The following ZNF536 variants were observed in gnomAD, a reference collection of about 807,000 sequenced individuals.
The protein encoded by ZNF536 is zinc finger protein 536.
A neutral mutation model predicts 84.5 loss-of-function variants in ZNF536; 13 were observed. That is an observed-to-expected ratio of 0.15 (90% CI 0.10 to 0.24). The LOEUF is 0.24. ZNF536 is among the 10% of genes least tolerant of loss of function. The pLI, the probability that ZNF536 is intolerant of heterozygous loss-of-function variation, is 1.00. For synonymous variants in ZNF536, 811 were observed against 742.5 expected, an observed-to-expected ratio of 1.09 and a Z score of -1.50; for missense variants, 1,536 against 1,747.5, an observed-to-expected ratio of 0.88 and a Z score of 2.16.
intron 1 of ZNF536, among the ~76,000 whole-genome samples, chr19:30,274,208 C>G (rs1338563360): frequency 1.3e-5 from 2 of 152,202 alleles, no homozygotes; most frequent in Non-Finnish European, 2.9e-5. Context: ...AATATGTGTT[C>G]TCTAAAAACC....
At chr19:30,519,413 G>A (rs1193182504) in intron 2 of ZNF536, among the ~76,000 whole-genome samples, 1 of 152,192 alleles carries the variant, frequency 6.6e-6, no homozygotes, top group Non-Finnish European at 1.5e-5. Flanking sequence ...GCCCTCCACG[G>A]GGTTGTGCTC....
intron 2 of ZNF536, among the ~76,000 whole-genome samples, chr19:30,338,447 AATG>A (rs2047456151): frequency 6.6e-6 from 1 of 151,212 alleles, no homozygotes; most frequent in African/African-American, 2.4e-5. Context: ...TGGCGATGAC[AATG>A]ATGATATGGT....
At chr19:30,523,237 G>A (rs1158407612) in intron 2 of ZNF536, among the ~76,000 whole-genome samples, 1 of 152,150 alleles carries the variant, frequency 6.6e-6, no homozygotes, top group African/African-American at 2.4e-5. Context: ...CCCTCCCCAT[G>A]CCATCTTTAC....
intron 1 of ZNF536, among the ~76,000 whole-genome samples, chr19:30,667,625 C>CTTTTTTTCTT (rs2050382497): frequency 8.1e-6 from 1 of 124,008 alleles, no homozygotes; most frequent in Non-Finnish European, 1.6e-5. Context: ...TTTTTTCTAG[C>CTTTTTTTCTT]TTTTTTTTTT....
chr19:30,624,190 C>T (rs1274823428), intron 1 of ZNF536, among the ~76,000 whole-genome samples: 1 of 152,098 alleles, frequency 6.6e-6, no homozygotes, highest in Non-Finnish European at 1.5e-5. Flanking sequence ...CCATGTGACC[C>T]CTGGTTGCTT....
At chr19:30,642,148 T>A (rs766745144) in intron 1 of ZNF536, among the ~76,000 whole-genome samples, 8 of 152,190 alleles carry the variant, frequency 5.3e-5, no homozygotes, top group Non-Finnish European at 1.2e-4. Context: ...CTATTTTAGA[T>A]TGACTCATGT....
chr19:30,359,495 C>G (rs1202063996), intron 3 of ZNF536, among the ~76,000 whole-genome samples: 1 of 152,168 alleles, frequency 6.6e-6, no homozygotes, highest in East Asian at 1.9e-4. Flanking sequence ...GGCCGTTGCT[C>G]AGATGTGGGC....
chr19:30,599,878 T>G (rs1162758871), intron 1 of ZNF536, among the ~76,000 whole-genome samples: 1 of 152,192 alleles, frequency 6.6e-6, no homozygotes, highest in African/African-American at 2.4e-5. Context: ...TCTGAAAAGC[T>G]GTAGAGTCCC....
chr19:30,524,753 T>G (rs1431715682), intron 2 of ZNF536, among the ~76,000 whole-genome samples: 1 of 151,566 alleles, frequency 6.6e-6, no homozygotes, highest in East Asian at 1.9e-4. Flanking sequence ...AAGAGGATCT[T>G]AAAAGCTATA....
In ZNF536 at chr19:30,416,962, C is replaced by T. The variant is rs568527750; in HGVS notation, c.-2-26599C>T. 6.6e-5 allele frequency among the ~76,000 whole-genome samples: 10 copies of T among 151,612 alleles called. No homozygotes were observed. The South Asian group carries it at 1.9e-3, about 29-fold the overall frequency. On this transcript the variant is annotated intron_variant, in intron 1 of 4. Transcript: ENST00000355537. ...TTGGCCTATGTCTATTGATCTGATC[C>T]CATCTATATTATTTCTTTCTTTCTT...
chr19:30,227,562 G>A (rs1421950220), upstream of ZNF536, among the ~76,000 whole-genome samples: 1 of 152,144 alleles, frequency 6.6e-6, no homozygotes, highest in African/African-American at 2.4e-5. Flanking sequence ...AGAAAATACG[G>A]CAGCTGCGAG....
rs553912191 is a variant in ZNF536, at chr19:30,465,114, G to A, written c.2170+19382G>A. ...TGAAGTACGGAGTTAAATCTGTGGC[G>A]GACAAGGCCCCATCACCTCCCACTC... On this transcript the variant is annotated intron_variant, in intron 2 of 4. Coordinates refer to ENST00000355537, the MANE Select transcript of ZNF536 (RefSeq NM_014717.3). Among the ~76,000 whole-genome samples, 25 of 152,132 alleles carry A rather than the reference G, an allele frequency of 1.6e-4. 2 individuals are homozygous for A. The highest frequency in any genetic ancestry group is 1.6e-3 in the Admixed American group (25 of 15,278).
chr19:30,394,499 C>A (rs546729377), intron 1 of ZNF536, among the ~76,000 whole-genome samples: 1 of 152,306 alleles, frequency 6.6e-6, no homozygotes, highest in South Asian at 2.1e-4. Context: ...AGGACTGGGC[C>A]AGGTGCATCT....
At chr19:30,421,476 G>C (rs952228870) in intron 1 of ZNF536, among the ~76,000 whole-genome samples, 1 of 152,120 alleles carries the variant, frequency 6.6e-6, no homozygotes, top group Non-Finnish European at 1.5e-5. Context: ...TAGCCTCCCA[G>C]TTCCTGGCCT....
At chr19:30,501,191 G>A (rs1011675964) in intron 2 of ZNF536, among the ~76,000 whole-genome samples, 1 of 152,176 alleles carries the variant, frequency 6.6e-6, no homozygotes, top group African/African-American at 2.4e-5. Flanking sequence ...TTTACTAAAA[G>A]CTCAATATCA....
At chr19:30,611,268 C>A (rs903635634) in intron 1 of ZNF536, among the ~76,000 whole-genome samples, 1 of 152,104 alleles carries the variant, frequency 6.6e-6, no homozygotes, top group African/African-American at 2.4e-5. Context: ...ATGCCACTGT[C>A]ATTAAGGCAG....
rs2052285808 is a variant in ZNF536 at position 30,445,538 on chromosome 19, G to T, written c.1976G>T (p.Gly659Val). ...CGTGTCCACAAGCGGGACCGCAAGGGCGAGGAGGATGGGCTGCACGTGGGC... is the reference window on the plus strand; with the variant it reads ...CGTGTCCACAAGCGGGACCGCAAGGTCGAGGAGGATGGGCTGCACGTGGGC... Reference protein sequence around the residue: ...HSRVHKRDRKGEEDGLHVGLD... With the variant: ...HSRVHKRDRKVEEDGLHVGLD... Residue 659 changes from glycine (G) to valine (V), a missense_variant, in exon 2 of 5, where the codon GGC (glycine) becomes GTC (valine). Physicochemically the swap from Gly to Val is moderately radical, Grantham distance 109 (BLOSUM62 -3). Transcript: ENST00000355537. The surrounding 1 kb of genome is among the most constrained non-coding windows in gnomAD (Gnocchi z 4.5). 1.9e-6 allele frequency: 3 copies of T among 1,613,832 alleles called. No individual in the cohort carries two copies. Among genetic ancestry groups the T allele is most frequent in the Non-Finnish European group, 2.5e-6 (3 of 1,179,938 alleles).
At chr19:30,504,259 C>A (rs1269706652) in intron 2 of ZNF536, among the ~76,000 whole-genome samples, 2 of 149,960 alleles carry the variant, frequency 1.3e-5, no homozygotes, top group African/African-American at 4.9e-5. Context: ...GCCTGCCTGC[C>A]TTTCCTCCCT....
At chr19:30,655,304 C>T (rs1262139049) in intron 1 of ZNF536, among the ~76,000 whole-genome samples, 1 of 152,218 alleles carries the variant, frequency 6.6e-6, no homozygotes, top group East Asian at 1.9e-4. Context: ...ATCATCTTCT[C>T]AGAGAGCTTT....
Sources: allele counts gnomAD v4.1 joint callset (sites outside exome capture counted in the v4.1 genomes callset), GRCh38; gene constraint gnomAD v4.1.1; non-coding constraint Gnocchi (gnomAD v3.1); transcripts MANE v1.5; gene names NCBI Gene and HGNC (gene_info 2026-07-23, HGNC 2026-07-21).